ASB4: variants seen among roughly 807,000 people sequenced by gnomAD.
ASB4 encodes ankyrin repeat and SOCS box protein 4.
Under a neutral mutation model 38.6 loss-of-function variants are expected in ASB4, and 35 were observed. The ratio of observed to expected loss-of-function variants is 0.91; its 90% confidence interval spans 0.69 to 1.20. The LOEUF (loss-of-function observed/expected upper bound fraction) is 1.20, where lower values mean the gene tolerates loss of function less well. Ranked by LOEUF, ASB4 falls within the 50% of genes most tolerant of loss-of-function variation. ASB4 has a pLI of 0.00. For missense variants in ASB4, 557 were observed against 527.2 expected (o/e 1.06, Z -0.55); for synonymous variants, 195 against 201.3 (o/e 0.97, Z 0.26).
At chr7:95,541,054 G>A (rs550811494), downstream of ASB4, among the ~76,000 whole-genome samples, 1 of 152,294 alleles carries the variant, frequency 6.6e-6, no homozygotes, top group East Asian at 1.9e-4. Context: ...AAACACCACA[G>A]CTAGTATCTG....
At chr7:95,472,519 CT>C in the ASB4 span, among the ~76,000 whole-genome samples, 3 of 152,274 alleles carry the variant, frequency 2.0e-5, no homozygotes, top group East Asian at 5.8e-4. Context: ...TCCTGTGGAA[CT>C]GCAGTGCTAT....
At chr7:95,520,642 AC>A (rs67223052) in intron 2 of ASB4, among the ~76,000 whole-genome samples, 21,990 of 115,736 alleles carry the variant, frequency 0.19, 1,737 homozygotes, top group South Asian at 0.23. Context: ...CCCACTCCCC[AC>A]CCCCCATCCC....
At chr7:95,544,993 T>C (rs1418450248), downstream of ASB4, among the ~76,000 whole-genome samples, 1 of 151,918 alleles carries the variant, frequency 6.6e-6, no homozygotes, top group Non-Finnish European at 1.5e-5. Flanking sequence ...CAGCCAGATA[T>C]GACAGGGTTT....
downstream of ASB4, among the ~76,000 whole-genome samples, chr7:95,544,821 A>G (rs1329406085): frequency 6.6e-6 from 1 of 152,032 alleles, no homozygotes; most frequent in Non-Finnish European, 1.5e-5. Context: ...CAGCCTCCCA[A>G]GTAGCTGGGA....
At chr7:95,532,108 A>G (rs189158839) in intron 3 of ASB4, among the ~76,000 whole-genome samples, 2 of 152,306 alleles carry the variant, frequency 1.3e-5, no homozygotes, top group East Asian at 3.9e-4. Flanking sequence ...CTTCAAAGTG[A>G]TTTAGAACAA....
intron 2 of ASB4, among the ~76,000 whole-genome samples, chr7:95,513,329 G>GTGTGTGTT (rs1464378386): frequency 7.9e-6 from 1 of 125,802 alleles, no homozygotes; most frequent in African/African-American, 3.1e-5. Context: ...GTGTGTGTGT[G>GTGTGTGTT]TGTTCAGAGA....
chr7:95,500,664 T>G (rs185349554), intron 2 of ASB4, among the ~76,000 whole-genome samples: 1 of 151,792 alleles, frequency 6.6e-6, no homozygotes. Context: ...TTCTCCTTCT[T>G]CTTTGGTTCA....
chr7:95,544,139 T>C (rs956093337), downstream of ASB4: 1 of 152,166 alleles, frequency 6.6e-6, no homozygotes, highest in Non-Finnish European at 1.5e-5. Context: ...GATGATAGCC[T>C]TACTTTTTCT....
intron 2 of ASB4, among the ~76,000 whole-genome samples, chr7:95,505,820 C>T (rs896599651): frequency 9.2e-5 from 14 of 151,784 alleles, no homozygotes; most frequent in Non-Finnish European, 1.8e-4. Context: ...TGTCTTATTT[C>T]ATTCTTTTGC....
At chr7:95,496,172 T>A (rs1224497803) in intron 2 of ASB4, 115 bp downstream of exon 2, 4 of 970,152 alleles carry the variant, frequency 4.1e-6, no homozygotes, top group Non-Finnish European at 4.6e-6. Flanking sequence ...CAATTATGCC[T>A]AGTACAGAAG....
rs182380460 is a variant in ASB4, at chr7:95,485,952, C to G, written c.-20C>G. The stretch of plus-strand genomic sequence containing the variant: ...GTTCTCTCGATAAATCACAACAAAG[C>G]TTCCAGAGGGAGAGGAAGGATGGAC... On this transcript the variant is annotated 5_prime_UTR_variant, in exon 1 of 5. Transcript: ENST00000325885. 1.9e-4 allele frequency: 301 copies of G among 1,609,122 alleles called. 1 individual carries two copies. The African/African-American group carries it at 3.4e-3, about 18-fold the overall frequency.
chr7:95,514,081 G>A (rs775983366), intron 2 of ASB4, among the ~76,000 whole-genome samples: 2 of 151,972 alleles, frequency 1.3e-5, no homozygotes, highest in African/African-American at 2.4e-5. Context: ...CAGTATTTTC[G>A]CTTCTTATCT....
At chr7:95,483,733 T>C (rs768876128), upstream of ASB4, among the ~76,000 whole-genome samples, 14 of 152,134 alleles carry the variant, frequency 9.2e-5, no homozygotes, top group Non-Finnish European at 1.9e-4. Flanking sequence ...GGGATTTCTG[T>C]GTTTGTTCAC....
intron 2 of ASB4, among the ~76,000 whole-genome samples, chr7:95,520,626 C>T (rs1790647132): frequency 6.7e-6 from 1 of 149,134 alleles, no homozygotes; most frequent in African/African-American, 2.5e-5. Flanking sequence ...AAATTAAACA[C>T]ACACTCCCAC....
chr7:95,511,819 T>C (rs918444025), intron 2 of ASB4, among the ~76,000 whole-genome samples: 11 of 152,268 alleles, frequency 7.2e-5, no homozygotes, highest in African/African-American at 2.4e-4. Flanking sequence ...AATTGCTTAA[T>C]AGTGAAATCA....
At chr7:95,482,624 T>C (rs1156742626), upstream of ASB4, among the ~76,000 whole-genome samples, 2 of 152,204 alleles carry the variant, frequency 1.3e-5, no homozygotes, top group African/African-American at 2.4e-5. Context: ...ACTCACGTCA[T>C]AGGGTTTCTT....
chr7:95,540,820 AC>A (rs1203411218), downstream of ASB4, among the ~76,000 whole-genome samples: 2 of 152,160 alleles, frequency 1.3e-5, no homozygotes, highest in African/African-American at 2.4e-5. Flanking sequence ...TCCATTCTAA[AC>A]CCAGTGGGTT....
chr7:95,495,761 A>C lies in ASB4; in HGVS notation c.191A>C (p.Tyr64Ser), dbSNP rs1450479070. ...TCCTTTTTTTTTTTTTTTTCAGGTT[A>C]CTGGTTGCCTAGCTATAAATTGAAG... Reference protein sequence around the residue: ...NMVLASYKQGYWLPSYKLKSS... With the variant: ...NMVLASYKQGSWLPSYKLKSS... The change falls in exon 2 of 5, where the codon TAC becomes TCC. Residue 64 changes from tyrosine to serine, a missense_variant. Coordinates refer to ENST00000325885, the MANE Select transcript of ASB4 (RefSeq NM_016116.3). 1.3e-6 allele frequency: 2 copies of C among 1,532,136 alleles called. No individual in the cohort carries two copies. The highest frequency in any genetic ancestry group is 2.0e-5 in the Admixed American group (1 of 50,452). 94.9% of individuals were successfully genotyped at this position (1,532,136 alleles called of 1,614,324 possible).
chr7:95,512,972 A>AGATTATCTTG (rs1790503559), intron 2 of ASB4, among the ~76,000 whole-genome samples: 2 of 152,178 alleles, frequency 1.3e-5, no homozygotes, highest in Non-Finnish European at 2.9e-5. Context: ...TGAGATGAGG[A>AGATTATCTTG]GATTATCTTG....
Sources: allele counts gnomAD v4.1 joint callset (sites outside exome capture counted in the v4.1 genomes callset), GRCh38; gene constraint gnomAD v4.1.1; transcripts MANE v1.5; gene names NCBI Gene and HGNC (gene_info 2026-07-23, HGNC 2026-07-21).